SPOCK3: variants seen among roughly 807,000 people sequenced by gnomAD.
SPOCK3 encodes SPARC (osteonectin), cwcv and kazal like domains proteoglycan 3, also known as testican-3.
SPOCK3 carries 30 observed loss-of-function variants against 56.6 expected under a neutral mutation model. The ratio of observed to expected loss-of-function variants is 0.53; its 90% CI spans 0.40 to 0.72. SPOCK3 has a LOEUF of 0.72. SPOCK3 is among the 30% of genes least tolerant of loss of function. The pLI, the probability that SPOCK3 is intolerant of heterozygous loss-of-function variation, is 0.00. For missense variants in SPOCK3, 527 were observed against 530.0 expected (o/e 0.99, Z 0.06); for synonymous variants, 196 against 183.3 (o/e 1.07, Z -0.56).
intron 6 of SPOCK3, among the ~76,000 whole-genome samples, chr4:166,875,837 T>C (rs1733021756): frequency 6.6e-6 from 1 of 152,206 alleles, no homozygotes; most frequent in Non-Finnish European, 1.5e-5. Flanking sequence ...AGCTGTGATG[T>C]TACCACATTT....
At chr4:166,903,335 G>A (rs1030615557) in intron 5 of SPOCK3, among the ~76,000 whole-genome samples, 3 of 151,824 alleles carry the variant, frequency 2.0e-5, no homozygotes, top group Admixed American at 6.6e-5. Flanking sequence ...AATGTTCTCA[G>A]CTTTGGGCTT....
intron 2 of SPOCK3, among the ~76,000 whole-genome samples, chr4:167,101,683 C>T (rs1403475893): frequency 1.3e-5 from 2 of 151,438 alleles, no homozygotes; most frequent in African/African-American, 2.4e-5. Context: ...GCCTAAGACT[C>T]ACCAGTATCT....
intron 2 of SPOCK3, among the ~76,000 whole-genome samples, chr4:167,207,123 CTA>C (rs1407783569): frequency 6.6e-6 from 1 of 151,954 alleles, no homozygotes; most frequent in African/African-American, 2.4e-5. Flanking sequence ...TAAAAATAAA[CTA>C]TGGATTTTGT....
intron 6 of SPOCK3, among the ~76,000 whole-genome samples, chr4:166,810,798 T>C (rs1743688681): frequency 3.3e-5 from 5 of 151,982 alleles, no homozygotes; most frequent in Admixed American, 3.3e-4. Context: ...ACATTGAGCA[T>C]ATAAAATAAA....
chr4:167,170,632 C>A (rs1730421786), intron 2 of SPOCK3, among the ~76,000 whole-genome samples: 1 of 152,150 alleles, frequency 6.6e-6, no homozygotes, highest in Admixed American at 6.6e-5. Flanking sequence ...TGGAAAGTGG[C>A]AGAACTTATC....
intron 3 of SPOCK3, among the ~76,000 whole-genome samples, chr4:167,008,688 G>T (rs985409998): frequency 1.3e-5 from 2 of 152,004 alleles, no homozygotes; most frequent in African/African-American, 4.8e-5. Context: ...GTCCTTTGCC[G>T]CAACATGGAT....
intron 2 of SPOCK3, among the ~76,000 whole-genome samples, chr4:167,216,558 G>C (rs184359129): frequency 2.0e-5 from 3 of 152,126 alleles, no homozygotes; most frequent in Admixed American, 6.6e-5. Flanking sequence ...ATATGCAAGC[G>C]ATTTGATTGG....
At chr4:167,181,851 TTCAA>T in intron 2 of SPOCK3, among the ~76,000 whole-genome samples, 1 of 152,278 alleles carries the variant, frequency 6.6e-6, no homozygotes, top group South Asian at 2.1e-4. Context: ...TTTTCTTCAT[TTCAA>T]TAGTCACCCA....
At chr4:167,230,926 A>C (rs928709128) in intron 2 of SPOCK3, among the ~76,000 whole-genome samples, 1 of 152,066 alleles carries the variant, frequency 6.6e-6, no homozygotes, top group Non-Finnish European at 1.5e-5. Context: ...ACACCTACTC[A>C]TTGCAAGCTT....
At chr4:167,058,022 A>T (rs1337029912) in intron 3 of SPOCK3, among the ~76,000 whole-genome samples, 3 of 152,194 alleles carry the variant, frequency 2.0e-5, no homozygotes, top group Admixed American at 6.5e-5. Flanking sequence ...TCCAAAATTG[A>T]CCACATACTT....
At chr4:167,011,351 A>T (rs574511968) in intron 3 of SPOCK3, 9 of 454,338 alleles carry the variant, frequency 2.0e-5, no homozygotes, top group South Asian at 1.4e-4. Context: ...AAGCATACCT[A>T]TTCAAACAAC....
At chr4:166,839,614 C>T (rs765603181) in intron 6 of SPOCK3, among the ~76,000 whole-genome samples, 13 of 151,978 alleles carry the variant, frequency 8.6e-5, no homozygotes, top group East Asian at 1.9e-4. Context: ...TCACGGAGAA[C>T]GAAAAACTAG....
At chr4:166,741,298 G>T (rs1734820448) in intron 9 of SPOCK3, among the ~76,000 whole-genome samples, 1 of 152,108 alleles carries the variant, frequency 6.6e-6, no homozygotes, top group South Asian at 2.1e-4. Context: ...ATCGTTATTT[G>T]GCACATGCAA....
chr4:166,856,160 G>T (rs1579439419), intron 6 of SPOCK3, among the ~76,000 whole-genome samples: 3 of 150,082 alleles, frequency 2.0e-5, no homozygotes, highest in African/African-American at 7.4e-5. Flanking sequence ...AGAGACTGAG[G>T]GGAGGAGGAG....
chr4:166,981,538 A>G (rs1746570027), intron 4 of SPOCK3, among the ~76,000 whole-genome samples: 1 of 152,130 alleles, frequency 6.6e-6, no homozygotes, highest in South Asian at 2.1e-4. Flanking sequence ...AGTCTGGCTG[A>G]GTCCAGGGTT....
At chr4:166,951,950 T>C (rs1351232233) in intron 4 of SPOCK3, among the ~76,000 whole-genome samples, 1 of 152,092 alleles carries the variant, frequency 6.6e-6, no homozygotes, top group Admixed American at 6.6e-5. Flanking sequence ...ATAAGAGCTA[T>C]CTATGACAAA....
intron 4 of SPOCK3, among the ~76,000 whole-genome samples, chr4:166,976,520 A>T (rs1745964843): frequency 6.6e-6 from 1 of 152,080 alleles, no homozygotes; most frequent in South Asian, 2.1e-4. Context: ...TGATATTTGA[A>T]TTTGAACCTG....
At chr4:167,088,595 G>C (rs1467327856) in intron 2 of SPOCK3, among the ~76,000 whole-genome samples, 1 of 151,106 alleles carries the variant, frequency 6.6e-6, no homozygotes, top group Non-Finnish European at 1.5e-5. Context: ...CTCCCGAGTA[G>C]CTAAGACTAC....
In SPOCK3 at chr4:166,737,455, C is replaced by T. The variant is rs747690729; in HGVS notation, c.1132+12G>A. On this transcript the variant is annotated intron_variant, in intron 10 of 10. Transcript: ENST00000357545. ...CTTAGAAAATTATGAAATAAGTAAC[C>T]CTTCTCCTTACCACAATCTGCAACA... 1.9e-6 allele frequency: 3 copies of T among 1,607,904 alleles called. No individual in the cohort carries two copies. The East Asian group carries it at 6.7e-5, about 36-fold the overall frequency.
Sources: gnomAD v4.1 joint callset for allele counts (sites outside exome capture counted in the v4.1 genomes callset) on GRCh38, gnomAD v4.1.1 for gene constraint, MANE v1.5 for transcripts, NCBI Gene and HGNC (gene_info 2026-07-23, HGNC 2026-07-21) for gene names.